GNPNAT1: variants seen among roughly 807,000 people sequenced by gnomAD.
GNPNAT1 encodes glucosamine 6-phosphate N-acetyltransferase.
Under a neutral mutation model 19.8 loss-of-function variants are expected in GNPNAT1, and 11 were observed. The ratio of observed to expected loss-of-function variants is 0.56; its 90% CI spans 0.35 to 0.92. GNPNAT1 has a LOEUF of 0.92. Among genes scored for constraint, GNPNAT1 ranks in the 40% least tolerant of loss-of-function variants. GNPNAT1 has a pLI of 0.01. For synonymous variants in GNPNAT1, 71 were observed against 72.3 expected (o/e 0.98, Z 0.09); for missense variants, 157 against 211.0 (o/e 0.74, Z 1.59).
intron 1 of GNPNAT1, among the ~76,000 whole-genome samples, chr14:52,785,673 T>C (rs967698286): frequency 2.7e-5 from 4 of 150,646 alleles, no homozygotes; most frequent in Non-Finnish European, 5.9e-5. Flanking sequence ...TGTGGTGAGT[T>C]GAGATTGCGC....
At chr14:52,781,671 A>G in intron 4 of GNPNAT1, 113 bp downstream of exon 4, 3 of 923,698 alleles carry the variant, frequency 3.2e-6, no homozygotes, top group South Asian at 1.5e-5. Context: ...CACTGGGAAA[A>G]GGGATTTCTA....
At chr14:52,790,128 T>C (rs1054162919) in intron 1 of GNPNAT1, among the ~76,000 whole-genome samples, 2 of 152,234 alleles carry the variant, frequency 1.3e-5, no homozygotes, top group Admixed American at 6.5e-5. Flanking sequence ...TTCAACTATT[T>C]GGCGTCTGAG....
chr14:52,778,968 A>C (rs1882812100), intron 5 of GNPNAT1, among the ~76,000 whole-genome samples: 1 of 152,030 alleles, frequency 6.6e-6, no homozygotes, highest in Non-Finnish European at 1.5e-5. Context: ...GTGAGTAGTG[A>C]TTGTGCCACT....
chr14:52,786,115 A>T (rs1883012723), intron 1 of GNPNAT1, among the ~76,000 whole-genome samples: 1 of 150,940 alleles, frequency 6.6e-6, no homozygotes, highest in Non-Finnish European at 1.5e-5. Context: ...AACAGGCTCA[A>T]ATTAATTTTT....
At chr14:52,781,952 C>G (rs374402489) in intron 3 of GNPNAT1, 41 bp from the exon 4 acceptor site, 40 of 1,531,036 alleles carry the variant, frequency 2.6e-5, no homozygotes, top group Admixed American at 6.9e-5. Flanking sequence ...AGTAGACATT[C>G]AATTTTATGG....
intron 1 of GNPNAT1, among the ~76,000 whole-genome samples, chr14:52,790,626 G>A (rs1244432618): frequency 6.6e-6 from 1 of 152,054 alleles, no homozygotes; most frequent in Admixed American, 6.6e-5. Context: ...CCTCGTTTTC[G>A]CATCTTGAGC....
chr14:52,788,213 T>C (rs1016806601), intron 1 of GNPNAT1, among the ~76,000 whole-genome samples: 1 of 152,092 alleles, frequency 6.6e-6, no homozygotes, highest in African/African-American at 2.4e-5. Context: ...CTCAAACTCC[T>C]GGGCTCAAGT....
At chr14:52,790,160 C>T (rs1205089411) in intron 1 of GNPNAT1, among the ~76,000 whole-genome samples, 1 of 152,076 alleles carries the variant, frequency 6.6e-6, no homozygotes, top group Non-Finnish European at 1.5e-5. Context: ...GGTTGGAATA[C>T]GAATGGGGAG....
chr14:52,783,108 T>C (rs762156057), intron 3 of GNPNAT1, among the ~76,000 whole-genome samples: 1 of 152,054 alleles, frequency 6.6e-6, no homozygotes, highest in Non-Finnish European at 1.5e-5. Flanking sequence ...GATTTGGTAA[T>C]GAAATTTCTG....
intron 3 of GNPNAT1, 104 bp downstream of exon 3, chr14:52,783,319 T>C: frequency 1.4e-6 from 1 of 693,062 alleles, no homozygotes; most frequent in South Asian, 1.9e-5. Context: ...CTTTGAATAA[T>C]TTCCAGCTAT....
At chr14:52,781,502 A>T (rs1293266538) in intron 4 of GNPNAT1, among the ~76,000 whole-genome samples, 1 of 152,154 alleles carries the variant, frequency 6.6e-6, no homozygotes, top group Non-Finnish European at 1.5e-5. Context: ...TGGTATATTC[A>T]GAGTTGTTTT....
intron 3 of GNPNAT1, among the ~76,000 whole-genome samples, chr14:52,782,763 C>G (rs1882923178): frequency 1.3e-5 from 2 of 151,920 alleles, no homozygotes; most frequent in Admixed American, 6.6e-5. Context: ...GAATTCAATA[C>G]AAAATTCCCT....
chr14:52,775,266 T>G lies in GNPNAT1; in HGVS notation c.*3045A>C, dbSNP rs1882675483. Reference sequence around the variant, plus strand: ...GAGTTGGAAGTGAGAGAATCGTGTTTAAAGGAAAGGGTAGGTCATCCACAG... The same window carrying G: ...GAGTTGGAAGTGAGAGAATCGTGTTGAAAGGAAAGGGTAGGTCATCCACAG... On this transcript the variant is annotated 3_prime_UTR_variant, in exon 6 of 6. Transcript: ENST00000216410. 1 of 152,112 alleles carries G rather than the reference T, an allele frequency of 6.6e-6. No individual in the cohort carries two copies. The highest frequency in any genetic ancestry group is 6.5e-5 in the Admixed American group (1 of 15,270). The allele number at this position is 152,112 out of a possible 1,614,324, so 9.4% of individuals were successfully genotyped here. A position where few individuals can be genotyped will look rare whatever the true frequency, so the allele number is the denominator to read the frequency against.
chr14:52,787,461 C>T (rs1159740015), intron 1 of GNPNAT1, among the ~76,000 whole-genome samples: 2 of 152,126 alleles, frequency 1.3e-5, no homozygotes, highest in East Asian at 3.9e-4. Context: ...TCATTTATTT[C>T]AACCATCCTA....
At chr14:52,786,991 A>G (rs1337890209) in intron 1 of GNPNAT1, among the ~76,000 whole-genome samples, 3 of 151,652 alleles carry the variant, frequency 2.0e-5, no homozygotes, top group Admixed American at 6.6e-5. Context: ...AGATAGCACA[A>G]ATATTTTACA....
chr14:52,785,890 G>A (rs1883004159), intron 1 of GNPNAT1, among the ~76,000 whole-genome samples: 1 of 150,616 alleles, frequency 6.6e-6, no homozygotes, highest in South Asian at 2.1e-4. Context: ...TGGGATTACA[G>A]GCACCTGCCA....
chr14:52,788,659 TA>T (rs1205380205), intron 1 of GNPNAT1, among the ~76,000 whole-genome samples: 4 of 152,218 alleles, frequency 2.6e-5, no homozygotes, highest in African/African-American at 9.6e-5. Context: ...GTCTTGCTAT[TA>T]AACATATAGT....
At position 52,778,379 on chromosome 14, in the gene GNPNAT1, C is replaced by T. The variant is rs1045711656; in HGVS notation, c.487G>A (p.Gly163Ser). 1 of 1,607,284 alleles carries T rather than the reference C, an allele frequency of 6.2e-7. No homozygotes were observed. The highest frequency in any genetic ancestry group is 1.3e-5 in the African/African-American group (1 of 74,466). ...ITLECLPQNV[G>S]FYKKFGYTVS... ...GTATATCCAAACTTTTTATAGAAACCAACATTTTGTGGTAGACATTCAAGG... is the reference window on the plus strand; with the variant it reads ...GTATATCCAAACTTTTTATAGAAACTAACATTTTGTGGTAGACATTCAAGG... Residue 163 changes from glycine to serine, a missense_variant, in exon 6 of 6, where the codon GGT becomes AGT. Coordinates refer to ENST00000216410, the MANE Select transcript of GNPNAT1 (RefSeq NM_198066.4).
At chr14:52,784,426 T>A (rs1027067394) in intron 2 of GNPNAT1, 71 bp downstream of exon 2, 6 of 1,250,094 alleles carry the variant, frequency 4.8e-6, no homozygotes, top group Non-Finnish European at 6.4e-6. Context: ...TTAAAAAAAA[T>A]TATCTGCATC....
Sources: gnomAD v4.1 joint callset for allele counts (sites outside exome capture counted in the v4.1 genomes callset) on GRCh38, gnomAD v4.1.1 for gene constraint, MANE v1.5 for transcripts, NCBI Gene and HGNC (gene_info 2026-07-23, HGNC 2026-07-21) for gene names.